SDK2: variants seen among roughly 807,000 people sequenced by gnomAD.
The protein encoded by SDK2 is sidekick cell adhesion molecule 2, also known as protein sidekick-2.
A neutral mutation model predicts 253.9 loss-of-function variants in SDK2; 105 were observed. The observed-to-expected ratio is 0.41, with a 90% confidence interval of 0.35 to 0.49. The LOEUF is 0.49. Ranked by LOEUF, SDK2 falls within the 20% of genes least tolerant of loss-of-function variation. The pLI is 0.06. For synonymous variants in SDK2, 1,249 were observed against 1,234.9 expected, an observed-to-expected ratio of 1.01 and a Z score of -0.24; for missense variants, 2,608 against 3,003.0, an observed-to-expected ratio of 0.87 and a Z score of 3.07.
chr17:73,582,432 T>G (rs1414733659), intron 1 of SDK2, among the ~76,000 whole-genome samples: 1 of 152,200 alleles, frequency 6.6e-6, no homozygotes, highest in African/African-American at 2.4e-5. Context: ...CACGAACACT[T>G]TGCCTTTTTT....
At chr17:73,398,519 G>A in intron 22 of SDK2, 90 bp from the exon 23 acceptor site, 1 of 1,168,044 alleles carries the variant, frequency 8.6e-7, no homozygotes, top group Non-Finnish European at 1.2e-6. Flanking sequence ...CAGGGAAGAA[G>A]TTGGTTCAGA....
At chr17:73,414,048 C>T (rs1324228224) in intron 18 of SDK2, among the ~76,000 whole-genome samples, 1 of 150,834 alleles carries the variant, frequency 6.6e-6, no homozygotes, top group Non-Finnish European at 1.5e-5. Context: ...TTCTCTCTCT[C>T]TTCTTTTTTT....
intron 1 of SDK2, among the ~76,000 whole-genome samples, chr17:73,512,444 G>A (rs1040631119): frequency 3.3e-5 from 5 of 152,024 alleles, no homozygotes; most frequent in African/African-American, 4.8e-5. Context: ...CACCCTCTCT[G>A]TGGAAAAGGA....
At chr17:73,424,191 G>C in intron 12 of SDK2, 99 bp from the exon 13 acceptor site, 1 of 1,036,746 alleles carries the variant, frequency 9.6e-7, no homozygotes, top group Non-Finnish European at 1.4e-6. Context: ...TCCAAAGCTG[G>C]GCAGAGGACA....
intron 4 of SDK2, among the ~76,000 whole-genome samples, chr17:73,448,610 C>T (rs550728205): frequency 6.6e-5 from 10 of 151,652 alleles, no homozygotes; most frequent in South Asian, 4.2e-4. Context: ...GTGATCTGCC[C>T]GCCTTGGCCT....
intron 1 of SDK2, among the ~76,000 whole-genome samples, chr17:73,637,899 G>C (rs9907748): frequency 0.36 from 54,902 of 152,172 alleles, 10,171 homozygotes; most frequent in African/African-American, 0.44. Flanking sequence ...CCTGCTAAGA[G>C]GCAGATTCAT....
intron 8 of SDK2, 127 bp downstream of exon 8, chr17:73,437,612 C>A (rs983588609): frequency 7.5e-6 from 6 of 797,240 alleles, no homozygotes; most frequent in Non-Finnish European, 1.3e-5. Flanking sequence ...CTCAGACAGC[C>A]AGACAGACTC....
chr17:73,377,347 T>G (rs1214346081), intron 36 of SDK2, among the ~76,000 whole-genome samples: 2 of 151,176 alleles, frequency 1.3e-5, no homozygotes, highest in African/African-American at 2.4e-5. Context: ...GCCTCCCAAA[T>G]AGCTGGGATT....
At chr17:73,344,727 G>A (rs2062467956) in intron 44 of SDK2, among the ~76,000 whole-genome samples, 1 of 152,214 alleles carries the variant, frequency 6.6e-6, no homozygotes, top group South Asian at 2.1e-4. Flanking sequence ...TCTGGGGGAT[G>A]GTCAGGCTAT....
At chr17:73,457,933 C>A (rs1054683169) in intron 3 of SDK2, among the ~76,000 whole-genome samples, 3 of 152,138 alleles carry the variant, frequency 2.0e-5, no homozygotes, top group Non-Finnish European at 4.4e-5. Flanking sequence ...TTAATATTCC[C>A]AGAGGTGAGA....
chr17:73,411,973 T>C (rs1185169559), intron 18 of SDK2, among the ~76,000 whole-genome samples: 1 of 62,258 alleles, frequency 1.6e-5, no homozygotes, highest in African/African-American at 6.2e-5. Flanking sequence ...TATATACGTA[T>C]ATATATATCT....
At chr17:73,505,677 T>C (rs1323603875) in intron 2 of SDK2, among the ~76,000 whole-genome samples, 2 of 149,288 alleles carry the variant, frequency 1.3e-5, no homozygotes, top group African/African-American at 2.5e-5. Context: ...TCATCGTCAA[T>C]AGCTGGACCT....
At chr17:73,397,693 G>C (rs2062983006) in intron 24 of SDK2, among the ~76,000 whole-genome samples, 1 of 152,216 alleles carries the variant, frequency 6.6e-6, no homozygotes, top group Non-Finnish European at 1.5e-5. Flanking sequence ...GAGCTGTGTG[G>C]CTGTGGGCAA....
intron 4 of SDK2, among the ~76,000 whole-genome samples, chr17:73,454,614 G>A (rs1313032264): frequency 6.6e-6 from 1 of 151,846 alleles, no homozygotes; most frequent in Non-Finnish European, 1.5e-5. Context: ...TGTCCGGAAA[G>A]AGAGGGGATG....
At chr17:73,578,700 G>A (rs1599695704) in intron 1 of SDK2, among the ~76,000 whole-genome samples, 1 of 152,192 alleles carries the variant, frequency 6.6e-6, no homozygotes, top group East Asian at 1.9e-4. Flanking sequence ...CAGGGGCAGG[G>A]ATTGGGGTTG....
intron 37 of SDK2, 127 bp downstream of exon 37, chr17:73,368,280 C>G: frequency 2.3e-6 from 2 of 861,608 alleles, no homozygotes; most frequent in Non-Finnish European, 3.3e-6. Context: ...CTGGGTACCA[C>G]GACCAGATCC....
In SDK2 at chr17:73,395,294, C is replaced by T; in HGVS notation, c.3453G>A (p.Val1151=). The change falls in exon 25 of 45, where the codon GTG becomes GTA. Residue 1151 remains valine (V), a synonymous_variant. Coordinates refer to ENST00000392650, the MANE Select transcript of SDK2 (RefSeq NM_001144952.2). This position sits in a 1 kb window ranked among gnomAD's most constrained non-coding sequence, Gnocchi z 4.3. The part of the protein sequence containing the change: ...SDGHGKTLSH[V]VQDRVERDYT... ...AGTCCCGCTCCACACGGTCCTGCAC[C>T]ACGTGGCTCAGCGTCTTGCCATGCC... 3 of 1,614,000 alleles carry T rather than the reference C, an allele frequency of 1.9e-6. No individual in the cohort carries two copies. Among genetic ancestry groups the T allele is most frequent in the Non-Finnish European group, 2.5e-6 (3 of 1,179,896 alleles).
Position 73,335,863 on chromosome 17 carries a change from AT to A in SDK2, c.*2723del, listed in dbSNP as rs1351947212. The A allele has an allele frequency of 2.6e-5, 4 of 152,266 alleles. No individual in the cohort carries two copies. The highest frequency in any genetic ancestry group is 5.9e-5 in the Non-Finnish European group (4 of 68,056). The allele number at this position is 152,266 out of a possible 1,614,324, so 9.4% of individuals were successfully genotyped here. ...ACATACAGATGTGTGTTCTGTGCAT[AT>A]TTGTGTGTGCATGTGTGTAAGCACA... On this transcript the variant is annotated 3_prime_UTR_variant, in exon 45 of 45. Coordinates refer to ENST00000392650, the MANE Select transcript of SDK2 (RefSeq NM_001144952.2).
At chr17:73,397,783 A>G (rs1186350742) in intron 24 of SDK2, among the ~76,000 whole-genome samples, 1 of 152,244 alleles carries the variant, frequency 6.6e-6, no homozygotes, top group Non-Finnish European at 1.5e-5. Context: ...TATTGGGAGA[A>G]TCAAATGGGA....
Sources: gnomAD v4.1 joint callset for allele counts (sites outside exome capture counted in the v4.1 genomes callset) on GRCh38, gnomAD v4.1.1 for gene constraint, Gnocchi (gnomAD v3.1) non-coding constraint, MANE v1.5 for transcripts, NCBI Gene and HGNC (gene_info 2026-07-23, HGNC 2026-07-21) for gene names.